CNTNAP5: variants seen among roughly 807,000 people sequenced by gnomAD.
The protein encoded by CNTNAP5 is contactin-associated protein-like 5.
In CNTNAP5, 72 loss-of-function variants were observed where a neutral mutation model predicts 150.2. That is an observed-to-expected ratio of 0.48 (90% CI 0.40 to 0.58). CNTNAP5 has a LOEUF of 0.58. Ranked by LOEUF, CNTNAP5 falls within the 20% of genes least tolerant of loss-of-function variation. The pLI, the probability that CNTNAP5 is intolerant of heterozygous loss-of-function variation, is 0.00. For synonymous variants in CNTNAP5, 672 were observed against 619.8 expected (o/e 1.08, Z -1.25); for missense variants, 1,636 against 1,626.2 (o/e 1.01, Z -0.10).
intron 3 of CNTNAP5, among the ~76,000 whole-genome samples, chr2:124,259,421 G>A (rs1573872846): frequency 6.6e-6 from 1 of 152,040 alleles, no homozygotes; most frequent in Non-Finnish European, 1.5e-5. Flanking sequence ...TAGATCCCTG[G>A]GGAATTGCCA....
intron 7 of CNTNAP5, among the ~76,000 whole-genome samples, chr2:124,499,695 C>A (rs1694233704): frequency 1.3e-5 from 2 of 152,192 alleles, no homozygotes; most frequent in Non-Finnish European, 2.9e-5. Flanking sequence ...GCCCCTCCAG[C>A]ACCTTCCTCA....
chr2:124,533,301 C>CA (rs1204170785), intron 10 of CNTNAP5, among the ~76,000 whole-genome samples: 3 of 152,108 alleles, frequency 2.0e-5, no homozygotes, highest in African/African-American at 7.2e-5. Flanking sequence ...CTCTTTAAAT[C>CA]TTATAGGCAA....
intron 10 of CNTNAP5, among the ~76,000 whole-genome samples, chr2:124,551,664 A>T (rs541769927): frequency 6.6e-6 from 1 of 152,332 alleles, no homozygotes; most frequent in African/African-American, 2.4e-5. Context: ...ATAAAGAAGG[A>T]ATGAGAATTC....
chr2:124,128,371 C>T (rs1275929735), intron 1 of CNTNAP5, among the ~76,000 whole-genome samples: 1 of 152,176 alleles, frequency 6.6e-6, no homozygotes, highest in Non-Finnish European at 1.5e-5. Flanking sequence ...GATACCATCT[C>T]ATACCAGTTA....
chr2:124,243,804 C>G (rs191169520), intron 3 of CNTNAP5, among the ~76,000 whole-genome samples: 2 of 151,874 alleles, frequency 1.3e-5, no homozygotes, highest in African/African-American at 4.8e-5. Flanking sequence ...ACCCCTTGAA[C>G]CTAAAATAAA....
chr2:124,439,518 A>T (rs1692623339), intron 5 of CNTNAP5, among the ~76,000 whole-genome samples: 1 of 152,222 alleles, frequency 6.6e-6, no homozygotes, highest in Non-Finnish European at 1.5e-5. Context: ...CACAAGTTAG[A>T]CACCAGAGTA....
intron 5 of CNTNAP5, among the ~76,000 whole-genome samples, chr2:124,438,867 A>G (rs1406285010): frequency 6.6e-6 from 1 of 152,154 alleles, no homozygotes; most frequent in African/African-American, 2.4e-5. Context: ...TTACATGACA[A>G]TCCTACAATC....
At chr2:124,413,848 A>G (rs1415569635) in intron 3 of CNTNAP5, among the ~76,000 whole-genome samples, 1 of 145,920 alleles carries the variant, frequency 6.9e-6, no homozygotes, top group Non-Finnish European at 1.5e-5. Context: ...AACCTGCACA[A>G]TGTGCACATG....
intron 1 of CNTNAP5, among the ~76,000 whole-genome samples, chr2:124,179,055 T>A (rs1361647733): frequency 6.6e-6 from 1 of 151,544 alleles, no homozygotes; most frequent in Admixed American, 6.6e-5. Context: ...GATATTAGTG[T>A]TTCACCCACT....
intron 12 of CNTNAP5, among the ~76,000 whole-genome samples, chr2:124,636,746 A>G (rs542699416): frequency 4.1e-4 from 62 of 152,226 alleles, no homozygotes; most frequent in African/African-American, 1.4e-3. Flanking sequence ...AGCACTTACT[A>G]CATGTGAAAC....
chr2:124,839,190 A>T (rs1682891716), intron 19 of CNTNAP5, among the ~76,000 whole-genome samples: 1 of 152,014 alleles, frequency 6.6e-6, no homozygotes, highest in African/African-American at 2.4e-5. Context: ...AGGTTCTCCT[A>T]TGAGGGAAGA....
chr2:124,513,691 A>G lies in CNTNAP5; in HGVS notation c.1327+9135A>G, dbSNP rs1284933369. Among the ~76,000 whole-genome samples, 4 of 152,200 alleles carry G rather than the reference A, an allele frequency of 2.6e-5. No homozygotes were observed. The East Asian group carries it at 7.7e-4, about 29-fold the overall frequency. On this transcript the variant is annotated intron_variant, in intron 8 of 23. Transcript: ENST00000682447. The stretch of plus-strand genomic sequence containing the variant: ...CAAACAGTCCTGTTACAACAATTAT[A>G]TGCCGCATAATGTGTCAAACCCAGG...
intron 14 of CNTNAP5, among the ~76,000 whole-genome samples, chr2:124,759,650 C>T: frequency 6.6e-6 from 1 of 151,612 alleles, no homozygotes; most frequent in Admixed American, 6.6e-5. Context: ...TGTGAAAAGT[C>T]CTATGGTTTC....
chr2:124,287,426 A>T (rs913758556), intron 3 of CNTNAP5, among the ~76,000 whole-genome samples: 8 of 152,174 alleles, frequency 5.3e-5, no homozygotes, highest in Admixed American at 3.9e-4. Flanking sequence ...TGTCCCTGTC[A>T]AGCTTCGTTA....
intron 21 of CNTNAP5, among the ~76,000 whole-genome samples, chr2:124,890,100 G>A (rs1023624140): frequency 5.3e-5 from 8 of 152,032 alleles, no homozygotes; most frequent in African/African-American, 1.4e-4. Context: ...TTTGAGAGGT[G>A]AGAAAATCCA....
At chr2:124,041,412 T>A (rs953073711) in intron 1 of CNTNAP5, among the ~76,000 whole-genome samples, 5 of 152,142 alleles carry the variant, frequency 3.3e-5, no homozygotes, top group Non-Finnish European at 7.4e-5. Context: ...ACTGCTTTTA[T>A]GTGCTGGGAA....
chr2:124,507,726 A>G (rs544787891), intron 8 of CNTNAP5, among the ~76,000 whole-genome samples: 1 of 152,320 alleles, frequency 6.6e-6, no homozygotes, highest in South Asian at 2.1e-4. Context: ...GGTTTTCTCT[A>G]CAGATGCAAG....
intron 1 of CNTNAP5, among the ~76,000 whole-genome samples, chr2:124,111,035 C>A (rs1028834370): frequency 2.6e-5 from 4 of 152,058 alleles, no homozygotes; most frequent in Non-Finnish European, 5.9e-5. Context: ...AATCAAAGTG[C>A]GATTTGTCCA....
chr2:124,176,916 C>T (rs1344867668), intron 1 of CNTNAP5, among the ~76,000 whole-genome samples: 1 of 146,690 alleles, frequency 6.8e-6, no homozygotes. Flanking sequence ...ATGATCTTGG[C>T]CCACTGCAAC....
Sources: allele counts gnomAD v4.1 joint callset (sites outside exome capture counted in the v4.1 genomes callset), GRCh38; gene constraint gnomAD v4.1.1; transcripts MANE v1.5; gene names NCBI Gene and HGNC (gene_info 2026-07-23, HGNC 2026-07-21).